The following CATSPER3 variants were observed in gnomAD, a reference collection of about 807,000 sequenced individuals.
The protein encoded by CATSPER3 is cation channel sperm associated 3.
A neutral mutation model predicts 36.6 loss-of-function variants in CATSPER3; 23 were observed. The ratio of observed to expected loss-of-function variants is 0.63; its 90% confidence interval spans 0.45 to 0.89. The LOEUF (loss-of-function observed/expected upper bound fraction) is 0.89, where lower values mean the gene tolerates loss of function less well. Among genes scored for constraint, CATSPER3 ranks in the 40% least tolerant of loss-of-function variants. The pLI is 0.00. For synonymous variants in CATSPER3, 172 were observed against 184.1 expected, an observed-to-expected ratio of 0.93 and a Z score of 0.53; for missense variants, 474 against 503.9, an observed-to-expected ratio of 0.94 and a Z score of 0.57.
intron 2 of CATSPER3, among the ~76,000 whole-genome samples, chr5:134,970,640 T>C (rs1751592499): frequency 6.6e-6 from 1 of 151,166 alleles, no homozygotes; most frequent in Non-Finnish European, 1.5e-5. Context: ...GGTGCTATCT[T>C]GGCTCACTGC....
chr5:134,982,929 C>T (rs1415070399), intron 2 of CATSPER3, among the ~76,000 whole-genome samples: 1 of 152,042 alleles, frequency 6.6e-6, no homozygotes, highest in Non-Finnish European at 1.5e-5. Context: ...AGAGATGAAG[C>T]TGTATAGAGC....
At chr5:134,996,807 CCT>C (rs1465417050) in intron 3 of CATSPER3, among the ~76,000 whole-genome samples, 2 of 152,170 alleles carry the variant, frequency 1.3e-5, no homozygotes, top group Admixed American at 1.3e-4. Flanking sequence ...CTGAACTTTT[CCT>C]CTCTCTCATG....
At chr5:135,011,082 A>C (rs1307684578) in intron 7 of CATSPER3, among the ~76,000 whole-genome samples, 1 of 152,248 alleles carries the variant, frequency 6.6e-6, no homozygotes, top group Non-Finnish European at 1.5e-5. Flanking sequence ...TGTGGGCATC[A>C]GGAGCTACGG....
At chr5:135,009,142 C>T (rs1423728885) in intron 5 of CATSPER3, among the ~76,000 whole-genome samples, 161 bp downstream of exon 5, 1 of 152,170 alleles carries the variant, frequency 6.6e-6, no homozygotes, top group Non-Finnish European at 1.5e-5. Flanking sequence ...CCCAACTCTC[C>T]TCCCTGAGCC....
At chr5:134,968,860 A>G (rs1751566705) in intron 1 of CATSPER3, 1 of 152,218 alleles carries the variant, frequency 6.6e-6, no homozygotes. Flanking sequence ...AGAATCACCT[A>G]TAACCTCACC....
intron 2 of CATSPER3, among the ~76,000 whole-genome samples, chr5:134,985,537 C>T (rs1429468940): frequency 6.6e-6 from 1 of 151,942 alleles, no homozygotes; most frequent in Non-Finnish European, 1.5e-5. Context: ...TACATTGCAC[C>T]TAATAGGTAG....
At chr5:134,989,801 T>C (rs1468835913) in intron 2 of CATSPER3, among the ~76,000 whole-genome samples, 1 of 152,246 alleles carries the variant, frequency 6.6e-6, no homozygotes, top group African/African-American at 2.4e-5. Flanking sequence ...TTCCTTTCTA[T>C]TCCCAACTTG....
intron 3 of CATSPER3, among the ~76,000 whole-genome samples, chr5:135,000,642 GT>G (rs1199302096): frequency 6.6e-6 from 1 of 152,174 alleles, no homozygotes; most frequent in Non-Finnish European, 1.5e-5. Context: ...TCCTGGTTTA[GT>G]CTTGGGAGGG....
At chr5:134,971,754 C>G (rs963507387) in intron 2 of CATSPER3, among the ~76,000 whole-genome samples, 5 of 152,034 alleles carry the variant, frequency 3.3e-5, no homozygotes, top group African/African-American at 4.8e-5. Context: ...GACAGGATCC[C>G]ACAGTTGGGA....
intron 3 of CATSPER3, among the ~76,000 whole-genome samples, chr5:134,997,073 C>A (rs1751959183): frequency 6.6e-6 from 1 of 151,914 alleles, no homozygotes. Flanking sequence ...CTCAGGGCTG[C>A]CCCCCTGCCT....
At chr5:134,983,782 A>T (rs1217009328) in intron 2 of CATSPER3, among the ~76,000 whole-genome samples, 4 of 152,234 alleles carry the variant, frequency 2.6e-5, no homozygotes, top group African/African-American at 9.6e-5. Flanking sequence ...GATAGATTAT[A>T]TATTAGACCA....
intron 2 of CATSPER3, among the ~76,000 whole-genome samples, chr5:134,976,715 T>C (rs1020787108): frequency 6.6e-6 from 1 of 152,242 alleles, no homozygotes; most frequent in African/African-American, 2.4e-5. Context: ...TCTGGCCCTA[T>C]AGCAGGCTTC....
At chr5:134,998,829 G>A (rs1751984791) in intron 3 of CATSPER3, among the ~76,000 whole-genome samples, 1 of 152,026 alleles carries the variant, frequency 6.6e-6, no homozygotes, top group Admixed American at 6.6e-5. Context: ...TTGTCAGATG[G>A]GTAGATTGCA....
At chr5:135,004,307 A>G (rs1752057515) in intron 3 of CATSPER3, among the ~76,000 whole-genome samples, 1 of 152,202 alleles carries the variant, frequency 6.6e-6, no homozygotes. Context: ...CCTGGAACAG[A>G]AATGCCCGTG....
intron 4 of CATSPER3, 141 bp from the exon 5 acceptor site, chr5:135,008,700 G>A: frequency 1.4e-6 from 1 of 732,756 alleles, no homozygotes; most frequent in Non-Finnish European, 2.5e-6. Flanking sequence ...TGGAGCCAGT[G>A]GACTGGGAGG....
At chr5:134,969,622 T>G in intron 1 of CATSPER3, 1 of 384,684 alleles carries the variant, frequency 2.6e-6, no homozygotes, top group Non-Finnish European at 4.9e-6. Context: ...TTGCTTGATA[T>G]GTAGTTGCCA....
intron 3 of CATSPER3, among the ~76,000 whole-genome samples, 165 bp from the exon 4 acceptor site, chr5:135,007,792 A>G (rs1490807504): frequency 1.3e-5 from 2 of 151,268 alleles, no homozygotes; most frequent in African/African-American, 2.4e-5. Flanking sequence ...AGTTTATTCA[A>G]CCAACCAACC....
intron 2 of CATSPER3, among the ~76,000 whole-genome samples, chr5:134,981,712 T>A (rs1194550337): frequency 6.6e-6 from 1 of 152,170 alleles, no homozygotes; most frequent in East Asian, 1.9e-4. Context: ...TTTAAAACAT[T>A]TGGTTTTCAA....
At chr5:135,003,800 G>GA in intron 3 of CATSPER3, among the ~76,000 whole-genome samples, 1 of 152,328 alleles carries the variant, frequency 6.6e-6, no homozygotes, top group Non-Finnish European at 1.5e-5. Context: ...AAGACTGTTG[G>GA]AAAAGTGCAG....
Sources: allele counts gnomAD v4.1 joint callset (sites outside exome capture counted in the v4.1 genomes callset), GRCh38; gene constraint gnomAD v4.1.1; transcripts MANE v1.5; gene names NCBI Gene and HGNC (gene_info 2026-07-23, HGNC 2026-07-21).